The following MACROD2 variants were observed in gnomAD, a reference collection of about 807,000 sequenced individuals.
MACROD2 encodes the protein ADP-ribose glycohydrolase MACROD2.
MACROD2 carries 36 observed loss-of-function variants against 70.4 expected under a neutral mutation model. The ratio of observed to expected loss-of-function variants is 0.51; its 90% CI spans 0.39 to 0.68. The LOEUF (loss-of-function observed/expected upper bound fraction) is 0.68. MACROD2 is among the 30% of genes least tolerant of loss of function. The pLI, the probability that MACROD2 is intolerant of heterozygous loss-of-function variation, is 0.00. For missense variants in MACROD2, 496 were observed against 538.4 expected, an observed-to-expected ratio of 0.92 and a Z score of 0.78; for synonymous variants, 172 against 178.8, an observed-to-expected ratio of 0.96 and a Z score of 0.30.
intron 5 of MACROD2, among the ~76,000 whole-genome samples, chr20:15,152,257 G>T (rs1241117211): frequency 2.0e-5 from 3 of 151,894 alleles, no homozygotes; most frequent in Non-Finnish European, 4.4e-5. Flanking sequence ...AGTTGAAGAG[G>T]TTTTAAGTTC....
At chr20:15,404,172 G>A (rs77718906) in intron 6 of MACROD2, among the ~76,000 whole-genome samples, 6,088 of 152,090 alleles carry the variant, frequency 0.04, 376 homozygotes, top group African/African-American at 0.14. Flanking sequence ...ATTCACTTTT[G>A]GAATAATTCT....
chr20:14,773,451 T>A (rs1489755733), intron 5 of MACROD2, among the ~76,000 whole-genome samples: 1 of 152,080 alleles, frequency 6.6e-6, no homozygotes. Flanking sequence ...AGACTTCACA[T>A]ATAAATGAAA....
intron 15 of MACROD2, among the ~76,000 whole-genome samples, chr20:16,028,496 C>T (rs1051851768): frequency 6.6e-6 from 1 of 151,796 alleles, no homozygotes; most frequent in Admixed American, 6.6e-5. Context: ...CATATGGAGG[C>T]ATATTATCTG....
At chr20:14,757,353 G>T (rs1448536256) in intron 5 of MACROD2, among the ~76,000 whole-genome samples, 1 of 152,102 alleles carries the variant, frequency 6.6e-6, no homozygotes, top group Non-Finnish European at 1.5e-5. Flanking sequence ...AACAAGCACT[G>T]TGAAACAAAT....
At chr20:16,000,809 GTAGA>G in intron 15 of MACROD2, among the ~76,000 whole-genome samples, 1 of 152,296 alleles carries the variant, frequency 6.6e-6, no homozygotes, top group South Asian at 2.1e-4. Context: ...TGTATGTGGA[GTAGA>G]TAGTGATTGT....
chr20:15,128,689 AG>A (rs1346866388), intron 5 of MACROD2, among the ~76,000 whole-genome samples: 3 of 152,186 alleles, frequency 2.0e-5, no homozygotes, highest in African/African-American at 7.2e-5. Context: ...AGGCTAAGTT[AG>A]GTTTGAATTT....
chr20:15,442,629 G>C (rs2046510819), intron 7 of MACROD2, among the ~76,000 whole-genome samples: 1 of 152,100 alleles, frequency 6.6e-6, no homozygotes, highest in African/African-American at 2.4e-5. Flanking sequence ...TGTCTGCAAA[G>C]GAGGTTGGAA....
At chr20:14,860,157 A>G (rs758314261) in intron 5 of MACROD2, among the ~76,000 whole-genome samples, 1 of 152,176 alleles carries the variant, frequency 6.6e-6, no homozygotes, top group Non-Finnish European at 1.5e-5. Flanking sequence ...AAAAAATGGA[A>G]TATATTGTCT....
intron 5 of MACROD2, among the ~76,000 whole-genome samples, chr20:15,054,901 G>C (rs1268564023): frequency 6.7e-6 from 1 of 149,902 alleles, no homozygotes; most frequent in Non-Finnish European, 1.5e-5. Context: ...ACCTGTCTCA[G>C]CCTCCCAAGT....
At chr20:14,977,199 A>G (rs1416714739) in intron 5 of MACROD2, among the ~76,000 whole-genome samples, 1 of 152,052 alleles carries the variant, frequency 6.6e-6, no homozygotes, top group African/African-American at 2.4e-5. Context: ...AATTGTAATC[A>G]TAATAACCTT....
At chr20:14,308,912 C>T (rs2082542737) in intron 3 of MACROD2, among the ~76,000 whole-genome samples, 1 of 152,110 alleles carries the variant, frequency 6.6e-6, no homozygotes, top group Non-Finnish European at 1.5e-5. Flanking sequence ...TGTCCTGTCT[C>T]TTAATAACAA....
intron 5 of MACROD2, among the ~76,000 whole-genome samples, chr20:14,814,810 A>G (rs780817806): frequency 6.6e-6 from 1 of 152,010 alleles, no homozygotes; most frequent in Non-Finnish European, 1.5e-5. Context: ...GGCACTGAGT[A>G]TGATGATAAA....
At chr20:14,023,726 T>A (rs1239397940) in intron 2 of MACROD2, among the ~76,000 whole-genome samples, 2 of 152,168 alleles carry the variant, frequency 1.3e-5, no homozygotes, top group African/African-American at 4.8e-5. Flanking sequence ...GTGGCATTAT[T>A]TCTGAGCCCT....
At chr20:14,288,277 G>A (rs367674710) in intron 3 of MACROD2, among the ~76,000 whole-genome samples, 8 of 152,084 alleles carry the variant, frequency 5.3e-5, no homozygotes, top group Non-Finnish European at 8.8e-5. Flanking sequence ...AGTTTCCCTC[G>A]TAGCTAGGTA....
chr20:15,354,505 A>C (rs2078264494), intron 6 of MACROD2, among the ~76,000 whole-genome samples: 1 of 152,206 alleles, frequency 6.6e-6, no homozygotes, highest in South Asian at 2.1e-4. Flanking sequence ...TATAATAAAC[A>C]AAATACACTC....
rs548799690 is a variant in MACROD2 at position 15,352,492 on chromosome 20, T to C, written c.541-78913T>C. Among the ~76,000 whole-genome samples, 18 of 152,276 alleles carry C rather than the reference T, an allele frequency of 1.2e-4. No homozygotes were observed. In the South Asian group the frequency reaches 3.3e-3, roughly 28 times the overall value. On this transcript the variant is annotated intron_variant, in intron 6 of 17. Coordinates refer to ENST00000684519, the MANE Select transcript of MACROD2 (RefSeq NM_001351661.2). Reference sequence around the variant, plus strand: ...AGAAATAATTTAGAATGGGGGATTCTTTTTTCTTAAGTGAAAAATTTAACT... The same window carrying C: ...AGAAATAATTTAGAATGGGGGATTCCTTTTTCTTAAGTGAAAAATTTAACT...
chr20:14,323,891 C>A (rs1000656227), intron 3 of MACROD2: 2 of 152,126 alleles, frequency 1.3e-5, no homozygotes, highest in Admixed American at 6.5e-5. Context: ...GCTTTGAAAC[C>A]ATTTCTTAAA....
At chr20:16,017,127 T>A (rs984449043) in intron 15 of MACROD2, among the ~76,000 whole-genome samples, 1 of 152,212 alleles carries the variant, frequency 6.6e-6, no homozygotes, top group African/African-American at 2.4e-5. Flanking sequence ...ACCACTGCCC[T>A]CTTTCCTCCA....
Position 15,798,225 on chromosome 20 carries a change from T to C in MACROD2, c.646-64520T>C, listed in dbSNP as rs1315800493. 2.0e-5 allele frequency among the ~76,000 whole-genome samples: 3 copies of C among 152,200 alleles called. No individual in the cohort carries two copies. In the East Asian group the frequency reaches 5.8e-4, roughly 29 times the overall value. On this transcript the variant is annotated intron_variant, in intron 8 of 17. Transcript: ENST00000684519. Reference sequence around the variant, plus strand: ...TATGAAAGAGCACAGTGGGGATGACTCTTCCCTGTCCCACAATGTCTGGGG... The same window carrying C: ...TATGAAAGAGCACAGTGGGGATGACCCTTCCCTGTCCCACAATGTCTGGGG...
Sources: gnomAD v4.1 joint callset for allele counts (sites outside exome capture counted in the v4.1 genomes callset) on GRCh38, gnomAD v4.1.1 for gene constraint, MANE v1.5 for transcripts, NCBI Gene and HGNC (gene_info 2026-07-23, HGNC 2026-07-21) for gene names.